The following ELAPOR1 variants were observed in gnomAD, a reference collection of about 807,000 sequenced individuals.
ELAPOR1 encodes the protein endosome/lysosome-associated apoptosis and autophagy regulator 1.
ELAPOR1 carries 77 observed loss-of-function variants against 119.7 expected under a neutral mutation model. The observed-to-expected ratio is 0.64, with a 90% CI of 0.54 to 0.78. The LOEUF (loss-of-function observed/expected upper bound fraction) is 0.78, where lower values mean the gene tolerates loss of function less well. Among genes scored for constraint, ELAPOR1 ranks in the 30% least tolerant of loss-of-function variants. ELAPOR1 has a pLI of 0.00. For synonymous variants in ELAPOR1, 481 were observed against 487.2 expected (o/e 0.99, Z 0.17); for missense variants, 1,115 against 1,270.4 (o/e 0.88, Z 1.86).
intron 16 of ELAPOR1, 89 bp from the exon 17 acceptor site, chr1:109,197,890 A>G (rs1428306607): frequency 5.6e-5 from 66 of 1,178,622 alleles, no homozygotes; most frequent in Non-Finnish European, 6.3e-5. Context: ...AGATGAAGTG[A>G]GGTTGGATGT....
Position 109,161,887 on chromosome 1 carries a change from C to G in ELAPOR1, c.154-7C>G. 1.2e-6 allele frequency: 2 copies of G among 1,608,538 alleles called. No individual in the cohort carries two copies. The highest frequency in any genetic ancestry group is 1.7e-6 in the Non-Finnish European group (2 of 1,175,280). On this transcript the variant is annotated splice_region_variant and splice_polypyrimidine_tract_variant and intron_variant, in intron 1 of 21. Coordinates refer to ENST00000369939, the MANE Select transcript of ELAPOR1 (RefSeq NM_020775.5). ...GCACATTTCGCCCACTGTTCTCTCC[C>G]CTGCAGTCTGAGTACCACTATGAGT...
chr1:109,185,245 C>T (rs1652974646), intron 8 of ELAPOR1, 112 bp downstream of exon 8: 7 of 822,890 alleles, frequency 8.5e-6, no homozygotes, highest in Non-Finnish European at 1.4e-5. Context: ...CTAGTTAAAA[C>T]CCCACAGACC....
At position 109,189,129 on chromosome 1, in the gene ELAPOR1, C is replaced by T. The variant is rs970365265; in HGVS notation, c.1283C>T (p.Thr428Met). Residue 428 changes from threonine (T) to methionine (M), a missense_variant, in exon 10 of 22, where the codon ACG becomes ATG. Coordinates refer to ENST00000369939, the MANE Select transcript of ELAPOR1 (RefSeq NM_020775.5). Reference sequence around the variant, plus strand: ...GGATTTGAATACAAATGGTGGAACACGCTGCCCACAAACATGGAAACGACC... The same window carrying T: ...GGATTTGAATACAAATGGTGGAACATGCTGCCCACAAACATGGAAACGACC... ...AVGFEYKWWNTLPTNMETTVL... is the reference protein window; with the variant it reads ...AVGFEYKWWNMLPTNMETTVL... The T allele has an allele frequency of 1.1e-5, 17 of 1,613,996 alleles. No individual in the cohort carries two copies. The Admixed American group carries it at 1.3e-4, about 13-fold the overall frequency.
At chr1:109,141,000 C>T (rs1416027594) in intron 1 of ELAPOR1, among the ~76,000 whole-genome samples, 1 of 151,908 alleles carries the variant, frequency 6.6e-6, no homozygotes. Flanking sequence ...TACAGGCATG[C>T]ACCACCACAT....
chr1:109,146,822 C>G (rs1483993714), intron 1 of ELAPOR1, among the ~76,000 whole-genome samples: 1 of 152,120 alleles, frequency 6.6e-6, no homozygotes, highest in Admixed American at 6.6e-5. Flanking sequence ...TTACTGTAAC[C>G]TCAAACTCCT....
intron 1 of ELAPOR1, among the ~76,000 whole-genome samples, chr1:109,139,688 T>G (rs1649706395): frequency 6.6e-6 from 1 of 152,242 alleles, no homozygotes; most frequent in Non-Finnish European, 1.5e-5. Flanking sequence ...AATCACTTTT[T>G]AAAATTCTTG....
At chr1:109,129,986 C>T (rs1458073655) in intron 1 of ELAPOR1, among the ~76,000 whole-genome samples, 1 of 152,128 alleles carries the variant, frequency 6.6e-6, no homozygotes, top group Non-Finnish European at 1.5e-5. Flanking sequence ...AAGAACCTTC[C>T]TTGCCTCTTC....
chr1:109,199,247 C>T (rs1163363351), intron 18 of ELAPOR1, among the ~76,000 whole-genome samples: 1 of 152,158 alleles, frequency 6.6e-6, no homozygotes, highest in Non-Finnish European at 1.5e-5. Flanking sequence ...ACACCCCCTC[C>T]CCTCCCCGCA....
At chr1:109,121,218 C>T (rs995315439) in intron 1 of ELAPOR1, among the ~76,000 whole-genome samples, 27 of 152,216 alleles carry the variant, frequency 1.8e-4, no homozygotes, top group African/African-American at 5.8e-4. Flanking sequence ...GTGATCTCGG[C>T]TCACTGCAAC....
intron 1 of ELAPOR1, among the ~76,000 whole-genome samples, chr1:109,149,883 GA>G (rs1650423832): frequency 6.6e-6 from 1 of 152,224 alleles, no homozygotes; most frequent in Non-Finnish European, 1.5e-5. Context: ...GCTCGAGGTG[GA>G]AGGGATAATA....
intron 1 of ELAPOR1, among the ~76,000 whole-genome samples, chr1:109,118,002 C>T (rs1473397421): frequency 6.6e-6 from 1 of 152,050 alleles, no homozygotes; most frequent in Non-Finnish European, 1.5e-5. Context: ...TGGTGCATGC[C>T]TGTAATCCCA....
At chr1:109,172,180 A>C (rs1651967065) in intron 4 of ELAPOR1, among the ~76,000 whole-genome samples, 167 bp downstream of exon 4, 2 of 152,154 alleles carry the variant, frequency 1.3e-5, no homozygotes. Flanking sequence ...GGCAAGAAGA[A>C]AAGGCAAAAG....
At position 109,171,115 on chromosome 1, in the gene ELAPOR1, A is replaced by C. The variant is rs576362686; in HGVS notation, c.468-751A>C. Among the ~76,000 whole-genome samples, 143 of 152,286 alleles carry C rather than the reference A, an allele frequency of 9.4e-4. 1 individual carries two copies. The highest frequency in any genetic ancestry group is 3.3e-3 in the African/African-American group (138 of 41,560). On this transcript the variant is annotated intron_variant, in intron 3 of 21. Coordinates refer to ENST00000369939, the MANE Select transcript of ELAPOR1 (RefSeq NM_020775.5). ...CAGCCCTGCCACTCGCTGCTTCGTA[A>C]TACTGGGCTTGGCACTCTCCAAGCC...
intron 1 of ELAPOR1, among the ~76,000 whole-genome samples, chr1:109,145,477 G>A (rs551242411): frequency 1.3e-5 from 2 of 152,054 alleles, no homozygotes; most frequent in African/African-American, 2.4e-5. Context: ...TCAACATGGC[G>A]AAACCCTGTC....
intron 1 of ELAPOR1, among the ~76,000 whole-genome samples, chr1:109,127,168 C>T (rs1366912511): frequency 6.8e-6 from 1 of 147,248 alleles, no homozygotes; most frequent in African/African-American, 2.5e-5. Flanking sequence ...AAAATATATT[C>T]TCATATTTCC....
intron 1 of ELAPOR1, among the ~76,000 whole-genome samples, chr1:109,144,050 TA>T (rs1650001685): frequency 5.9e-5 from 3 of 50,490 alleles, no homozygotes; most frequent in African/African-American, 5.8e-5. Flanking sequence ...TATATATATA[TA>T]TATTTATATA....
chr1:109,142,635 A>G (rs947413123), intron 1 of ELAPOR1, among the ~76,000 whole-genome samples: 2 of 152,246 alleles, frequency 1.3e-5, no homozygotes, highest in African/African-American at 2.4e-5. Context: ...CGTGGACCAC[A>G]TAAAGACAGA....
rs181048806 is a variant in ELAPOR1, at chr1:109,180,395, T to G, written c.953-4650T>G. Among the ~76,000 whole-genome samples the G allele has an allele frequency of 8.5e-5, 13 of 152,170 alleles. No homozygotes were observed. The East Asian group carries it at 1.7e-3, about 20-fold the overall frequency. On this transcript the variant is annotated intron_variant, in intron 7 of 21. Transcript: ENST00000369939. ...AGTGGCTATTGCTTGTAGTCTCAGC[T>G]ACTGGGGAGGCTGACGCAGGAGGAT...
At chr1:109,134,609 G>A (rs1220365050) in intron 1 of ELAPOR1, among the ~76,000 whole-genome samples, 2 of 152,302 alleles carry the variant, frequency 1.3e-5, no homozygotes, top group African/African-American at 4.8e-5. Flanking sequence ...ATAAGAAACC[G>A]TGGCTGCTCA....
Sources: allele counts gnomAD v4.1 joint callset (sites outside exome capture counted in the v4.1 genomes callset), GRCh38; gene constraint gnomAD v4.1.1; transcripts MANE v1.5; gene names NCBI Gene and HGNC (gene_info 2026-07-23, HGNC 2026-07-21).